The following RYR2 variants were observed in gnomAD, a reference collection of about 807,000 sequenced individuals.
RYR2 encodes the protein cardiac muscle ryanodine receptor-calcium release channel.
Under a neutral mutation model 601.1 loss-of-function variants are expected in RYR2, and 227 were observed. The ratio of observed to expected loss-of-function variants is 0.38; its 90% CI spans 0.34 to 0.42. RYR2 has a LOEUF of 0.42. Ranked by LOEUF, RYR2 falls within the 10% of genes least tolerant of loss-of-function variation. The pLI is 1.00. For synonymous variants in RYR2, 2,223 were observed against 2,175.1 expected (o/e 1.02, Z -0.61); for missense variants, 4,646 against 6,156.5 (o/e 0.75, Z 8.21).
intron 95 of RYR2, among the ~76,000 whole-genome samples, chr1:237,795,006 A>C (rs1658935990): frequency 6.6e-6 from 1 of 152,230 alleles, no homozygotes; most frequent in Non-Finnish European, 1.5e-5. Context: ...ATATGTTATA[A>C]ACAAATAAAT....
In RYR2 at chr1:237,519,311, T is replaced by C. The variant is rs138166061; in HGVS notation, c.2822+7520T>C. Among the ~76,000 whole-genome samples the C allele has an allele frequency of 3.7e-3, 567 of 152,328 alleles. 2 individuals are homozygous for C. The highest frequency in any genetic ancestry group is 0.013 in the African/African-American group (537 of 41,576). Reference sequence around the variant, plus strand: ...AGGTCTTGTTTGTCTATTTTTGTTTTTGTTGCCTGGGTTTTTGACGTCTTA... The same window carrying C: ...AGGTCTTGTTTGTCTATTTTTGTTTCTGTTGCCTGGGTTTTTGACGTCTTA... On this transcript the variant is annotated intron_variant, in intron 24 of 104. Transcript: ENST00000366574.
intron 68 of RYR2, 88 bp from the exon 69 acceptor site, chr1:237,708,770 T>G (rs1688585694): frequency 8.2e-7 from 1 of 1,223,886 alleles, no homozygotes; most frequent in African/African-American, 1.5e-5. Context: ...GAAGGAGGCT[T>G]TAATTATGTT....
chr1:237,392,399 A>C (rs959360504), intron 10 of RYR2, among the ~76,000 whole-genome samples: 3 of 151,918 alleles, frequency 2.0e-5, no homozygotes, highest in Admixed American at 1.3e-4. Flanking sequence ...ATTATTATGC[A>C]TAGTATGCCT....
rs147548201 is a variant in RYR2 at position 237,482,115 on chromosome 1, A to G, written c.1709-9691A>G. Among the ~76,000 whole-genome samples the G allele has an allele frequency of 4.0e-3, 603 of 152,296 alleles. 8 individuals are homozygous for G. Among genetic ancestry groups the G allele is most frequent in the African/African-American group, 0.014 (568 of 41,572 alleles). Reference sequence around the variant, plus strand: ...ATGAGATGTTTTGATACAGGCATGCAATGTGAAATAAGCACATCATGGAGA... The same window carrying G: ...ATGAGATGTTTTGATACAGGCATGCGATGTGAAATAAGCACATCATGGAGA... On this transcript the variant is annotated intron_variant, in intron 17 of 104. Coordinates refer to ENST00000366574, the MANE Select transcript of RYR2 (RefSeq NM_001035.3).
Position 237,209,083 on chromosome 1 carries a change from T to C in RYR2, c.49-61414T>C, listed in dbSNP as rs954779789. Reference sequence around the variant, plus strand: ...TATGTAACACTTATATATAAAAATATAGGTATACATGTGTTACAGCACACA... The same window carrying C: ...TATGTAACACTTATATATAAAAATACAGGTATACATGTGTTACAGCACACA... On this transcript the variant is annotated intron_variant, in intron 1 of 104. Transcript: ENST00000366574. Among the ~76,000 whole-genome samples, 8 of 149,004 alleles carry C rather than the reference T, an allele frequency of 5.4e-5. 1 individual carries two copies. The highest frequency in any genetic ancestry group is 2.1e-4 in the South Asian group (1 of 4,740).
At chr1:237,530,609 G>T (rs1179343754) in intron 25 of RYR2, 99 bp downstream of exon 25, 26 of 993,354 alleles carry the variant, frequency 2.6e-5, no homozygotes, top group Non-Finnish European at 4.0e-5. Flanking sequence ...TTTTACTGAA[G>T]CTTTAAAATT....
At position 237,610,791 on chromosome 1, in the gene RYR2, C is replaced by T; in HGVS notation, c.4713C>T (p.Phe1571=). 6.2e-7 allele frequency: 1 copy of T among 1,608,358 alleles called. No homozygotes were observed. Among genetic ancestry groups the T allele is most frequent in the Non-Finnish European group, 8.5e-7 (1 of 1,177,798 alleles). The change falls in exon 36 of 105, where the codon TTC becomes TTT. Residue 1571 remains phenylalanine (F), a synonymous_variant. Coordinates refer to ENST00000366574, the MANE Select transcript of RYR2 (RefSeq NM_001035.3). The surrounding 1 kb of genome is among the most constrained non-coding windows in gnomAD (Gnocchi z 4.9). ...KNVMPLSAGL[F]KSEHKNPVPQ... ...TGATGCCTCTCTCGGCGGGATTATTCAAGAGTGAGCACAAGAACCCCGTGC... is the reference window on the plus strand; with the variant it reads ...TGATGCCTCTCTCGGCGGGATTATTTAAGAGTGAGCACAAGAACCCCGTGC...
intron 48 of RYR2, 111 bp downstream of exon 48, chr1:237,643,558 G>A: frequency 1.8e-6 from 2 of 1,114,164 alleles, no homozygotes; most frequent in Admixed American, 2.2e-5. Context: ...TAAATTATGT[G>A]TATACTACTT....
rs909589992 is a variant in RYR2, at chr1:237,819,798, A to G, written c.14590+606A>G. Among the ~76,000 whole-genome samples, 1 of 152,096 alleles carries G rather than the reference A, an allele frequency of 6.6e-6. No homozygotes were observed. The highest frequency in any genetic ancestry group is 6.5e-5 in the Admixed American group (1 of 15,280). On this transcript the variant is annotated intron_variant, in intron 101 of 104. Transcript: ENST00000366574. This position sits in a 1 kb window ranked among gnomAD's most constrained non-coding sequence, Gnocchi z 4.0. ...ACGCCACTGCACTCCAGCCTGGGCA[A>G]CAAGAGCGAAACTCCATTTCAAAAC... is the stretch of plus-strand genomic sequence containing the variant.
At position 237,506,807 on chromosome 1, in the gene RYR2, A is replaced by G. The variant is rs201131315; in HGVS notation, c.2711A>G (p.Tyr904Cys). Residue 904 changes from tyrosine to cysteine, a missense_variant, in exon 23 of 105, where the codon TAT becomes TGT. Physicochemically the swap from Tyr to Cys is radical, Grantham distance 194 (BLOSUM62 -2). This residue lies in a region of RYR2 where 1,807 missense variants were observed against 2,088.1 expected (regional missense o/e 0.87). Coordinates refer to ENST00000366574, the MANE Select transcript of RYR2 (RefSeq NM_001035.3). ...VMNKIELGWQ[Y>C]GPVRDDNKRQ... The stretch of plus-strand genomic sequence containing the variant: ...AATAAAATTGAGCTTGGCTGGCAGT[A>G]TGGTCCGGTATGTAATTTTGAAATT... The G allele has an allele frequency of 9.6e-5, 154 of 1,610,920 alleles. No homozygotes were observed. Among genetic ancestry groups the G allele is most frequent in the Admixed American group, 2.7e-4 (16 of 59,978 alleles).
intron 35 of RYR2, among the ~76,000 whole-genome samples, chr1:237,607,727 C>T (rs984791429): frequency 1.3e-5 from 2 of 152,058 alleles, no homozygotes; most frequent in Non-Finnish European, 2.9e-5. Context: ...AAGAGCTTTT[C>T]GAAATTCAGG....
intron 101 of RYR2, among the ~76,000 whole-genome samples, chr1:237,827,851 G>T (rs771229107): frequency 2.8e-5 from 4 of 141,504 alleles, no homozygotes; most frequent in Non-Finnish European, 4.5e-5. Flanking sequence ...GCAGGAGAAT[G>T]GCATGAACCC....
rs1688279849 is a variant in RYR2 at position 237,705,287 on chromosome 1, T to A, written c.9524T>A (p.Leu3175Gln). 6.2e-7 allele frequency: 1 copy of A among 1,604,872 alleles called. No individual in the cohort carries two copies. Among genetic ancestry groups the A allele is most frequent in the Non-Finnish European group, 8.5e-7 (1 of 1,174,698 alleles). The change falls in exon 67 of 105, where the codon CTG becomes CAG. Residue 3175 changes from leucine to glutamine, a missense_variant. Transcript: ENST00000366574. Reference protein sequence around the residue: ...AFPVAFLETHLDKHNIYSIYN... With the variant: ...AFPVAFLETHQDKHNIYSIYN... ...CCTGTAGCATTTTTGGAAACTCATC[T>A]GGACAAACATAATATTTACTCCATC...
At chr1:237,647,497 A>G (rs1181934111) in intron 48 of RYR2, among the ~76,000 whole-genome samples, 2 of 152,210 alleles carry the variant, frequency 1.3e-5, no homozygotes, top group African/African-American at 4.8e-5. Flanking sequence ...CCTTTCATCT[A>G]GTTTCCTTTA....
At chr1:237,754,738 A>G (rs983918532) in intron 80 of RYR2, among the ~76,000 whole-genome samples, 3 of 152,358 alleles carry the variant, frequency 2.0e-5, no homozygotes, top group African/African-American at 7.2e-5. Flanking sequence ...GATGTTGCTC[A>G]TCAGTTTTAA....
intron 1 of RYR2, among the ~76,000 whole-genome samples, chr1:237,261,873 T>A (rs750548788): frequency 2.6e-5 from 4 of 152,200 alleles, no homozygotes; most frequent in Non-Finnish European, 4.4e-5. Context: ...ACTATTCTTT[T>A]TTTTCTTTCC....
At chr1:237,375,071 G>T (rs1700915595) in intron 7 of RYR2, among the ~76,000 whole-genome samples, 2 of 152,146 alleles carry the variant, frequency 1.3e-5, no homozygotes, top group South Asian at 4.1e-4. Flanking sequence ...TTTACTGGGT[G>T]TTAGCCATAT....
chr1:237,800,431 G>A (rs1446801518), intron 97 of RYR2, among the ~76,000 whole-genome samples: 3 of 151,856 alleles, frequency 2.0e-5, no homozygotes, highest in African/African-American at 7.3e-5. Context: ...AAAAAAAATT[G>A]TTTTTAATCC....
rs2891819 is a variant in RYR2 at position 237,088,550 on chromosome 1, C to T, written c.48+45981C>T. ...GACAAAACAAAATAAAAAACAAAAG[C>T]CAGGGGCATTGGTGTTGTACGTTTC... On this transcript the variant is annotated intron_variant, in intron 1 of 104. Coordinates refer to ENST00000366574, the MANE Select transcript of RYR2 (RefSeq NM_001035.3). Among the ~76,000 whole-genome samples, 1,392 of 152,188 alleles carry T rather than the reference C, an allele frequency of 9.1e-3. 25 individuals carry two copies. The highest frequency in any genetic ancestry group is 0.032 in the African/African-American group (1,327 of 41,492).
Sources: allele counts gnomAD v4.1 joint callset (sites outside exome capture counted in the v4.1 genomes callset), GRCh38; gene constraint gnomAD v4.1.1; regional missense constraint gnomAD v4.1.1; non-coding constraint Gnocchi (gnomAD v3.1); transcripts MANE v1.5; gene names NCBI Gene and HGNC (gene_info 2026-07-23, HGNC 2026-07-21).